The following PLXDC2 variants were observed in gnomAD, a reference collection of about 807,000 sequenced individuals.
PLXDC2 encodes the protein plexin domain-containing protein 2.
PLXDC2 carries 40 observed loss-of-function variants against 68.9 expected under a neutral mutation model. The ratio of observed to expected loss-of-function variants is 0.58; its 90% CI spans 0.45 to 0.76. The LOEUF (loss-of-function observed/expected upper bound fraction) is 0.76, where lower values mean the gene tolerates loss of function less well. PLXDC2 is among the 30% of genes least tolerant of loss of function. The pLI is 0.00. For missense variants in PLXDC2, 644 were observed against 661.9 expected (o/e 0.97, Z 0.30); for synonymous variants, 243 against 234.2 (o/e 1.04, Z -0.34).
At chr10:20,164,284 A>G (rs1329439074) in intron 6 of PLXDC2, among the ~76,000 whole-genome samples, 184 bp from the exon 7 acceptor site, 4 of 152,124 alleles carry the variant, frequency 2.6e-5, no homozygotes, top group Admixed American at 2.6e-4. Context: ...TATTCATTCA[A>G]TAGCACTAAA....
intron 2 of PLXDC2, among the ~76,000 whole-genome samples, chr10:20,018,102 A>T (rs972177791): frequency 1.3e-5 from 2 of 152,346 alleles, no homozygotes; most frequent in Non-Finnish European, 1.5e-5. Context: ...AGTCATATGT[A>T]GCCCAACACA....
At chr10:20,075,279 C>A (rs1836419041) in intron 4 of PLXDC2, among the ~76,000 whole-genome samples, 1 of 152,174 alleles carries the variant, frequency 6.6e-6, no homozygotes, top group Non-Finnish European at 1.5e-5. Flanking sequence ...GCCTTGACCT[C>A]CTAGGCTCAA....
chr10:20,178,637 G>A (rs1440542196), intron 9 of PLXDC2, among the ~76,000 whole-genome samples: 8 of 152,064 alleles, frequency 5.3e-5, no homozygotes, highest in Non-Finnish European at 7.4e-5. Flanking sequence ...TTGCTGTAAC[G>A]ATAAAGACAT....
intron 13 of PLXDC2, among the ~76,000 whole-genome samples, chr10:20,246,578 G>A (rs1835598793): frequency 6.6e-6 from 1 of 152,178 alleles, no homozygotes; most frequent in African/African-American, 2.4e-5. Flanking sequence ...TCAAACTCCT[G>A]ACCACAAGTG....
At chr10:20,045,641 T>TA (rs746477544) in intron 2 of PLXDC2, among the ~76,000 whole-genome samples, 36 of 151,196 alleles carry the variant, frequency 2.4e-4, no homozygotes, top group African/African-American at 7.0e-4. Context: ...GATGATTTGT[T>TA]AAAAAAAAAT....
chr10:19,867,064 CTTTTTTT>C (rs61651939), intron 1 of PLXDC2, among the ~76,000 whole-genome samples: 2 of 124,736 alleles, frequency 1.6e-5, no homozygotes, highest in African/African-American at 3.0e-5. Context: ...TCCTTTCCCT[CTTTTTTT>C]TTTTTTTTTT....
chr10:20,236,902 C>T (rs1266585366), intron 12 of PLXDC2, among the ~76,000 whole-genome samples: 1 of 151,930 alleles, frequency 6.6e-6, no homozygotes, highest in Admixed American at 6.6e-5. Flanking sequence ...CCAAATCCCT[C>T]ATTTTGATAG....
intron 12 of PLXDC2, among the ~76,000 whole-genome samples, chr10:20,223,803 C>G: frequency 6.6e-6 from 1 of 152,048 alleles, no homozygotes; most frequent in Non-Finnish European, 1.5e-5. Flanking sequence ...CGCATTAATT[C>G]TCTTGTGTGT....
intron 1 of PLXDC2, among the ~76,000 whole-genome samples, chr10:19,824,328 G>A (rs768447320): frequency 6.6e-5 from 10 of 152,110 alleles, no homozygotes; most frequent in Non-Finnish European, 1.5e-4. Flanking sequence ...ACATTTGTGT[G>A]CTAGCTTACC....
intron 1 of PLXDC2, among the ~76,000 whole-genome samples, chr10:19,989,084 G>A (rs1449494956): frequency 2.6e-5 from 4 of 152,072 alleles, no homozygotes; most frequent in African/African-American, 9.7e-5. Flanking sequence ...ACAGGCATGA[G>A]CCACCGCACC....
At chr10:20,120,976 G>T (rs1042667294) in intron 4 of PLXDC2, among the ~76,000 whole-genome samples, 3 of 152,144 alleles carry the variant, frequency 2.0e-5, no homozygotes, top group Non-Finnish European at 2.9e-5. Context: ...GGGAAATGGG[G>T]TGAATGTCAG....
At chr10:19,987,057 C>T (rs1379352731) in intron 1 of PLXDC2, among the ~76,000 whole-genome samples, 2 of 152,176 alleles carry the variant, frequency 1.3e-5, no homozygotes, top group African/African-American at 2.4e-5. Context: ...TTCTCAAGTA[C>T]TACCACTGTT....
chr10:19,858,652 GGT>G (rs1837260453), intron 1 of PLXDC2, among the ~76,000 whole-genome samples: 1 of 152,150 alleles, frequency 6.6e-6, no homozygotes, highest in South Asian at 2.1e-4. Flanking sequence ...GAGGGTGCAA[GGT>G]GCAGGGGAGA....
intron 9 of PLXDC2, among the ~76,000 whole-genome samples, chr10:20,195,832 A>T (rs568249070): frequency 6.6e-6 from 1 of 152,234 alleles, no homozygotes; most frequent in African/African-American, 2.4e-5. Context: ...CAACCTTAAA[A>T]CACCAGAAGC....
At chr10:20,131,093 G>A (rs961353044) in intron 4 of PLXDC2, among the ~76,000 whole-genome samples, 1 of 151,672 alleles carries the variant, frequency 6.6e-6, no homozygotes, top group Non-Finnish European at 1.5e-5. Flanking sequence ...ATTTACCCCA[G>A]TAAAGCCATG....
chr10:20,072,045 A>T (rs1161270578), intron 4 of PLXDC2, among the ~76,000 whole-genome samples: 1 of 152,038 alleles, frequency 6.6e-6, no homozygotes, highest in Non-Finnish European at 1.5e-5. Flanking sequence ...GTTGTGGAGT[A>T]CTTTGAACGT....
At chr10:19,849,476 G>C (rs1398697029) in intron 1 of PLXDC2, among the ~76,000 whole-genome samples, 2 of 152,090 alleles carry the variant, frequency 1.3e-5, no homozygotes, top group African/African-American at 4.8e-5. Context: ...GTCTTGGGAG[G>C]GACCTTGTCA....
chr10:20,114,382 T>G (rs537060084), intron 4 of PLXDC2, among the ~76,000 whole-genome samples: 1 of 152,190 alleles, frequency 6.6e-6, no homozygotes, highest in African/African-American at 2.4e-5. Context: ...AAGCAGTCAA[T>G]GATTACTTGT....
chr10:19,852,520 G>A (rs906002982), intron 1 of PLXDC2, among the ~76,000 whole-genome samples: 1 of 149,216 alleles, frequency 6.7e-6, no homozygotes, highest in Non-Finnish European at 1.5e-5. Flanking sequence ...TAAGTTCAGT[G>A]GAAAAGATTT....
Sources: gnomAD v4.1 joint callset for allele counts (sites outside exome capture counted in the v4.1 genomes callset) on GRCh38, gnomAD v4.1.1 for gene constraint, MANE v1.5 for transcripts, NCBI Gene and HGNC (gene_info 2026-07-23, HGNC 2026-07-21) for gene names.